HMCN1: variants seen among roughly 807,000 people sequenced by gnomAD.
The protein encoded by HMCN1 is hemicentin 1, also known as hemicentin-1.
A neutral mutation model predicts 625.9 loss-of-function variants in HMCN1; 321 were observed. The ratio of observed to expected loss-of-function variants is 0.51; its 90% CI spans 0.47 to 0.56. The LOEUF (loss-of-function observed/expected upper bound fraction) is 0.56, where lower values mean the gene tolerates loss of function less well. Among genes scored for constraint, HMCN1 ranks in the 20% least tolerant of loss-of-function variants. The probability of loss-of-function intolerance (pLI) is 0.00; values close to 1 mark genes in which losing one functional copy is unlikely to be tolerated. For missense variants in HMCN1, 6,588 were observed against 6,887.3 expected (o/e 0.96, Z 1.54); for synonymous variants, 2,425 against 2,417.6 (o/e 1.00, Z -0.09).
intron 36 of HMCN1, among the ~76,000 whole-genome samples, chr1:186,030,968 G>A (rs1260976558): frequency 6.6e-6 from 1 of 151,530 alleles, no homozygotes; most frequent in Non-Finnish European, 1.5e-5. Flanking sequence ...ATTGTTAAAC[G>A]AATTACATTT....
intron 4 of HMCN1, among the ~76,000 whole-genome samples, chr1:185,888,078 A>C (rs894600443): frequency 2.9e-5 from 4 of 136,362 alleles, no homozygotes; most frequent in African/African-American, 1.2e-4. Context: ...GCATTTTTTC[A>C]TGTGTTTTTT....
chr1:186,135,138 C>A (rs1374849912), intron 86 of HMCN1, among the ~76,000 whole-genome samples: 1 of 152,182 alleles, frequency 6.6e-6, no homozygotes, highest in Non-Finnish European at 1.5e-5. Flanking sequence ...ATTCTGTCAT[C>A]TGTCTTGGCA....
chr1:186,157,113 C>T (rs901139435), intron 97 of HMCN1, among the ~76,000 whole-genome samples: 1 of 152,066 alleles, frequency 6.6e-6, no homozygotes, highest in Non-Finnish European at 1.5e-5. Context: ...ATTAGTCAAG[C>T]TTGGCAATTA....
intron 68 of HMCN1, among the ~76,000 whole-genome samples, chr1:186,098,290 T>C (rs1558221913): frequency 6.6e-6 from 1 of 152,040 alleles, no homozygotes; most frequent in Admixed American, 6.6e-5. Flanking sequence ...AGAAAATATT[T>C]CAAACTATAC....
At chr1:185,808,231 C>T (rs1659297881) in intron 1 of HMCN1, among the ~76,000 whole-genome samples, 1 of 152,154 alleles carries the variant, frequency 6.6e-6, no homozygotes, top group Non-Finnish European at 1.5e-5. Context: ...CCTGTAATCC[C>T]AGCTATTTGG....
At chr1:185,929,664 A>G (rs761590070) in intron 10 of HMCN1, among the ~76,000 whole-genome samples, 1 of 152,192 alleles carries the variant, frequency 6.6e-6, no homozygotes, top group Non-Finnish European at 1.5e-5. Flanking sequence ...GCTTATAATT[A>G]TAGGTATATC....
intron 57 of HMCN1, among the ~76,000 whole-genome samples, chr1:186,084,394 A>G (rs912778646): frequency 6.6e-6 from 1 of 152,134 alleles, no homozygotes; most frequent in African/African-American, 2.4e-5. Context: ...ACCAATAAGG[A>G]TTGGAGTTCA....
At chr1:185,984,128 C>CTTTCTT in intron 18 of HMCN1, 41 bp from the exon 19 acceptor site, 1 of 1,570,902 alleles carries the variant, frequency 6.4e-7, no homozygotes. Flanking sequence ...CTCACAAATC[C>CTTTCTT]TTTCTTTTTA....
At chr1:185,832,045 C>T (rs139214513) in intron 1 of HMCN1, among the ~76,000 whole-genome samples, 1 of 152,274 alleles carries the variant, frequency 6.6e-6, no homozygotes, top group Non-Finnish European at 1.5e-5. Flanking sequence ...CCTATAATTC[C>T]AGCACTTTGG....
chr1:185,873,836 A>C (rs966352334), intron 4 of HMCN1, among the ~76,000 whole-genome samples: 2 of 152,050 alleles, frequency 1.3e-5, no homozygotes, highest in Admixed American at 6.6e-5. Flanking sequence ...GGGCCAAGGT[A>C]ATTGGCTGTT....
chr1:186,042,124 A>C (rs1418341249), intron 40 of HMCN1, among the ~76,000 whole-genome samples: 1 of 152,164 alleles, frequency 6.6e-6, no homozygotes, highest in African/African-American at 2.4e-5. Flanking sequence ...GCATCGGTAC[A>C]CTAGCAAAGG....
chr1:185,962,473 A>T lies in HMCN1; in HGVS notation c.1829-45A>T, dbSNP rs1650093019. 4 of 1,549,878 alleles carry T rather than the reference A, an allele frequency of 2.6e-6. No individual in the cohort carries two copies. In the East Asian group the frequency reaches 9.0e-5, roughly 35 times the overall value. The stretch of plus-strand genomic sequence containing the variant: ...GCTAACATAGGAAGCTTCTAACATC[A>T]AGATAAATTGGCATTTTTCTACATA... On this transcript the variant is annotated intron_variant, in intron 11 of 106. Transcript: ENST00000271588.
intron 4 of HMCN1, among the ~76,000 whole-genome samples, chr1:185,886,786 C>CTTGAGGA (rs1166401190): frequency 5.5e-4 from 83 of 152,098 alleles, no homozygotes; most frequent in African/African-American, 2.0e-3. Context: ...CTACCCAATC[C>CTTGAGGA]AGTAAGATAA....
At chr1:186,052,843 C>T (rs1657051231) in intron 42 of HMCN1, 109 bp from the exon 43 acceptor site, 1 of 950,338 alleles carries the variant, frequency 1.1e-6, no homozygotes, top group Admixed American at 1.9e-5. Context: ...CCTCATATGA[C>T]AATTTCTTCC....
chr1:185,916,680 A>G (rs1666720294), intron 6 of HMCN1, among the ~76,000 whole-genome samples: 1 of 152,206 alleles, frequency 6.6e-6, no homozygotes, highest in African/African-American at 2.4e-5. Context: ...GAGAAAAACC[A>G]TCTCTATCAG....
chr1:186,120,295 T>C (rs1446580502), intron 80 of HMCN1, 150 bp downstream of exon 80: 20 of 915,006 alleles, frequency 2.2e-5, no homozygotes, highest in Non-Finnish European at 2.0e-5. Flanking sequence ...TTCTATCACT[T>C]TTATGAAGAA....
chr1:186,027,209 AG>A (rs2102181318), intron 36 of HMCN1, among the ~76,000 whole-genome samples: 1 of 152,252 alleles, frequency 6.6e-6, no homozygotes, highest in South Asian at 2.1e-4. Context: ...GGGGTTTTCC[AG>A]GGTGGGGAGT....
intron 1 of HMCN1, among the ~76,000 whole-genome samples, chr1:185,830,257 T>C (rs1365123502): frequency 1.3e-5 from 2 of 152,198 alleles, no homozygotes; most frequent in East Asian, 3.8e-4. Flanking sequence ...TTTAATTAGA[T>C]ATCATGTGTC....
intron 1 of HMCN1, among the ~76,000 whole-genome samples, chr1:185,745,259 A>G (rs1654310257): frequency 6.6e-6 from 1 of 152,054 alleles, no homozygotes; most frequent in African/African-American, 2.4e-5. Context: ...TCACAGAAAC[A>G]GACTTAAGCA....
Sources: allele counts gnomAD v4.1 joint callset (sites outside exome capture counted in the v4.1 genomes callset), GRCh38; gene constraint gnomAD v4.1.1; transcripts MANE v1.5; gene names NCBI Gene and HGNC (gene_info 2026-07-23, HGNC 2026-07-21).